TCP1: variants seen among roughly 807,000 people sequenced by gnomAD.
TCP1 encodes the protein T-complex protein 1 subunit alpha.
TCP1 carries 6 observed loss-of-function variants against 54.7 expected under a neutral mutation model. The ratio of observed to expected loss-of-function variants is 0.11; its 90% CI spans 0.06 to 0.22. The LOEUF is 0.22. Among genes scored for constraint, TCP1 ranks in the 10% least tolerant of loss-of-function variants. The pLI is 1.00. For synonymous variants in TCP1, 225 were observed against 229.7 expected (o/e 0.98, Z 0.19); for missense variants, 511 against 678.2 (o/e 0.75, Z 2.74).
chr6:159,786,804 T>C (rs1180176726), intron 3 of TCP1, among the ~76,000 whole-genome samples: 1 of 152,244 alleles, frequency 6.6e-6, no homozygotes, highest in Admixed American at 6.5e-5. Flanking sequence ...ATAGTGTTTC[T>C]ACTATACCAG....
chr6:159,787,600 G>GT lies in TCP1; in HGVS notation c.279+142dup, dbSNP rs200353063. The GT allele has an allele frequency of 3.4e-3, 3,760 of 1,090,370 alleles. 90 individuals carry two copies. In the African/African-American group the frequency reaches 0.05, roughly 15 times the overall value. The allele number at this position is 1,090,370 out of a possible 1,614,324, so 67.5% of individuals were successfully genotyped here. A position where few individuals can be genotyped will look rare whatever the true frequency, so the allele number is the denominator to read the frequency against. On this transcript the variant is annotated intron_variant, in intron 3 of 11. Coordinates refer to ENST00000321394, the MANE Select transcript of TCP1 (RefSeq NM_030752.3). The stretch of plus-strand genomic sequence containing the variant: ...CCCTCTTAAATGTGTAACTTCTTTT[G>GT]TTTTTTCTTCTTGCTCAATCTTCTG...
At position 159,779,883 on chromosome 6, in the gene TCP1, G is replaced by A. The variant is rs1246660760; in HGVS notation, c.1290+12C>T. On this transcript the variant is annotated intron_variant, in intron 10 of 11. Coordinates refer to ENST00000321394, the MANE Select transcript of TCP1 (RefSeq NM_030752.3). ...CTCTCAGGCCTCTAAGACAAGAAAT[G>A]ACTGTTCTTACCATGCTGGTTGCAT... 3 of 1,612,816 alleles carry A rather than the reference G, an allele frequency of 1.9e-6. No homozygotes were observed. The highest frequency in any genetic ancestry group is 2.5e-6 in the Non-Finnish European group (3 of 1,179,556).
chr6:159,784,509 T>C (rs987371551), intron 6 of TCP1, among the ~76,000 whole-genome samples, 157 bp downstream of exon 6: 1 of 152,084 alleles, frequency 6.6e-6, no homozygotes, highest in Non-Finnish European at 1.5e-5. Flanking sequence ...TTTCACCATA[T>C]TGGACAGGCT....
intron 7 of TCP1, among the ~76,000 whole-genome samples, chr6:159,783,269 G>T (rs1780617735): frequency 1.3e-5 from 2 of 151,968 alleles, no homozygotes; most frequent in Admixed American, 6.6e-5. Flanking sequence ...ACACTTTGTT[G>T]TATGAGGAAG....
At chr6:159,783,379 A>ATTTTTTTTTTTTTT (rs770127722) in intron 7 of TCP1, among the ~76,000 whole-genome samples, 1 of 118,838 alleles carries the variant, frequency 8.4e-6, no homozygotes, top group Non-Finnish European at 1.7e-5. Context: ...TGTTTAAACT[A>ATTTTTTTTTTTTTT]TTTTTTTTTT....
In TCP1 at chr6:159,784,850, AC is replaced by A; in HGVS notation, c.489-4del. On this transcript the variant is annotated splice_polypyrimidine_tract_variant and splice_region_variant and intron_variant, in intron 5 of 11. Coordinates refer to ENST00000321394, the MANE Select transcript of TCP1 (RefSeq NM_030752.3). Reference sequence around the variant, plus strand: ...TGTTAGCAAAGAAATCACCATTTCTACGCCAAAAGTTAAGGACAGTAACAGG... The same window carrying A: ...TGTTAGCAAAGAAATCACCATTTCTAGCCAAAAGTTAAGGACAGTAACAGG... The A allele has an allele frequency of 6.2e-7, 1 of 1,614,170 alleles. No homozygotes were observed. The highest frequency in any genetic ancestry group is 1.6e-4 in the Middle Eastern group (1 of 6,062).
At chr6:159,786,884 A>T (rs1047753317) in intron 3 of TCP1, among the ~76,000 whole-genome samples, 1 of 152,172 alleles carries the variant, frequency 6.6e-6, no homozygotes, top group Admixed American at 6.5e-5. Context: ...TCACACTGTC[A>T]TATCATGATG....
At chr6:159,780,261 C>T (rs1297259561) in intron 9 of TCP1, 174 bp from the exon 10 acceptor site, 1 of 1,217,452 alleles carries the variant, frequency 8.2e-7, no homozygotes, top group East Asian at 2.3e-5. Context: ...AATGTCTAGT[C>T]CCTGCAGAAG....
intron 7 of TCP1, among the ~76,000 whole-genome samples, chr6:159,782,939 T>C (rs1780611107): frequency 6.6e-6 from 1 of 152,206 alleles, no homozygotes; most frequent in Non-Finnish European, 1.5e-5. Flanking sequence ...TCTTCCGAAT[T>C]TCACGCTAGA....
intron 3 of TCP1, among the ~76,000 whole-genome samples, chr6:159,786,554 A>T (rs1368917298): frequency 6.6e-6 from 1 of 152,238 alleles, no homozygotes. Flanking sequence ...TATTTTATTT[A>T]AAAAAGATAG....
intron 3 of TCP1, 44 bp downstream of exon 3, chr6:159,787,699 G>A (rs199992741): frequency 1.1e-5 from 17 of 1,586,738 alleles, no homozygotes; most frequent in Non-Finnish European, 1.4e-5. Flanking sequence ...TCTGAAAGTC[G>A]GTCGTTTTTA....
rs1218780210 is a variant in TCP1, at chr6:159,780,599, T to C, written c.974-33A>G. On this transcript the variant is annotated intron_variant, in intron 8 of 11. Coordinates refer to ENST00000321394, the MANE Select transcript of TCP1 (RefSeq NM_030752.3). ...GAGAGTTACAAAGGATCTGTGAATA[T>C]TGCTCTTTCATGATTTTAATATCCT... The C allele has an allele frequency of 2.5e-6, 4 of 1,598,118 alleles. No homozygotes were observed. The African/African-American group carries it at 5.4e-5, about 22-fold the overall frequency.
intron 5 of TCP1, 151 bp downstream of exon 5, chr6:159,785,235 G>A: frequency 1.5e-6 from 1 of 658,250 alleles, no homozygotes; most frequent in East Asian, 2.7e-5. Context: ...GTCTTGCTAT[G>A]TTGCCCACAT....
In TCP1 at chr6:159,778,511, A is replaced by G; in HGVS notation, c.*534T>C. 1 of 888,212 alleles carries G rather than the reference A, an allele frequency of 1.1e-6. No individual in the cohort carries two copies. Among genetic ancestry groups the G allele is most frequent in the Non-Finnish European group, 1.7e-6 (1 of 603,866 alleles). 55.0% of individuals were successfully genotyped at this position (888,212 alleles called of 1,614,324 possible). ...GATAGGCAGGGATGAATTTTCACAA[A>G]GGTGTAAATTTATTCCTAAGCAGTT... On this transcript the variant is annotated 3_prime_UTR_variant, in exon 12 of 12. Transcript: ENST00000321394.
At chr6:159,779,294 T>G in intron 11 of TCP1, 33 bp from the exon 12 acceptor site, 407 of 1,450,398 alleles carry the variant, frequency 2.8e-4, no homozygotes, top group Non-Finnish European at 3.5e-4. Context: ...TAACGGCCGC[T>G]TACAATTTCA....
chr6:159,779,949 C>T lies in TCP1; in HGVS notation c.1236G>A (p.Gly412=), dbSNP rs1780532333. The T allele has an allele frequency of 6.2e-7, 1 of 1,614,072 alleles. No individual in the cohort carries two copies. The highest frequency in any genetic ancestry group is 1.3e-5 in the African/African-American group (1 of 75,018). The change falls in exon 10 of 12, where the codon GGG becomes GGA. Residue 412 remains glycine, a synonymous_variant. Transcript: ENST00000321394. ...VLESKSVVPG[G]GAVEAALSIY... ...TGGAAAGGGCTGCTTCTACAGCACCCCCACCGGGAACCACAGATTTTGACT... is the reference window on the plus strand; with the variant it reads ...TGGAAAGGGCTGCTTCTACAGCACCTCCACCGGGAACCACAGATTTTGACT...
chr6:159,781,373 G>A (rs559723996), intron 7 of TCP1, among the ~76,000 whole-genome samples: 1 of 152,286 alleles, frequency 6.6e-6, no homozygotes, highest in South Asian at 2.1e-4. Context: ...AGGATCTAGT[G>A]GGGAGAGGGA....
rs200389392 is a variant in TCP1 at position 159,779,749 on chromosome 6, T to G, written c.1332A>C (p.Ser444=). 1.9e-6 allele frequency: 3 copies of G among 1,610,546 alleles called. No individual in the cohort carries two copies. The highest frequency in any genetic ancestry group is 2.5e-6 in the Non-Finnish European group (3 of 1,179,084). Residue 444 remains serine, a synonymous_variant, in exon 11 of 12, where the codon TCA becomes TCC. Coordinates refer to ENST00000321394, the MANE Select transcript of TCP1 (RefSeq NM_030752.3). ...EQLAIAEFAR[S]LLVIPNTLAV... ...CTAGTGTATTGGGAATAACAAGAAGTGATCTTGCAAACTCTGCAATCGCAA... is the reference window on the plus strand; with the variant it reads ...CTAGTGTATTGGGAATAACAAGAAGGGATCTTGCAAACTCTGCAATCGCAA...
intron 3 of TCP1, among the ~76,000 whole-genome samples, 200 bp from the exon 4 acceptor site, chr6:159,786,197 T>C (rs1483945219): frequency 6.6e-6 from 1 of 152,238 alleles, no homozygotes; most frequent in Non-Finnish European, 1.5e-5. Flanking sequence ...CATAAATTCT[T>C]GGAAACTGCC....
Sources: allele counts gnomAD v4.1 joint callset (sites outside exome capture counted in the v4.1 genomes callset), GRCh38; gene constraint gnomAD v4.1.1; transcripts MANE v1.5; gene names NCBI Gene and HGNC (gene_info 2026-07-23, HGNC 2026-07-21).